TMEM132D: variants seen among roughly 807,000 people sequenced by gnomAD.
TMEM132D encodes transmembrane protein 132D, also known as mature OL transmembrane protein.
In TMEM132D, 21 loss-of-function variants were observed where a neutral mutation model predicts 62.3. The observed-to-expected ratio is 0.34, with a 90% CI of 0.24 to 0.49. The LOEUF (loss-of-function observed/expected upper bound fraction) is 0.49. TMEM132D is among the 20% of genes least tolerant of loss of function. The pLI is 0.99. For missense variants in TMEM132D, 1,346 were observed against 1,402.8 expected (o/e 0.96, Z 0.65); for synonymous variants, 621 against 575.6 (o/e 1.08, Z -1.13).
At chr12:129,270,998 C>T (rs1170521588) in intron 4 of TMEM132D, among the ~76,000 whole-genome samples, 1 of 152,218 alleles carries the variant, frequency 6.6e-6, no homozygotes, top group Non-Finnish European at 1.5e-5. Context: ...CCTGTGACGG[C>T]TGCCTCAAAG....
chr12:129,461,512 T>C (rs1226375722), intron 3 of TMEM132D, among the ~76,000 whole-genome samples: 2 of 152,034 alleles, frequency 1.3e-5, no homozygotes, highest in Non-Finnish European at 2.9e-5. Flanking sequence ...ACAAGACAGA[T>C]TATTTTTCCT....
At chr12:129,653,241 G>A (rs968297796) in intron 2 of TMEM132D, among the ~76,000 whole-genome samples, 3 of 152,236 alleles carry the variant, frequency 2.0e-5, no homozygotes, top group African/African-American at 7.2e-5. Flanking sequence ...GAGGAGAACG[G>A]CTCAAATGAA....
At chr12:129,079,476 G>A (rs1437849250) in intron 7 of TMEM132D, among the ~76,000 whole-genome samples, 5 of 152,148 alleles carry the variant, frequency 3.3e-5, no homozygotes, top group African/African-American at 4.8e-5. Context: ...TTTGAGGAAC[G>A]TCTGTGGAAT....
intron 4 of TMEM132D, among the ~76,000 whole-genome samples, chr12:129,321,717 C>G (rs552425993): frequency 1.3e-5 from 2 of 152,058 alleles, no homozygotes; most frequent in South Asian, 4.1e-4. Flanking sequence ...CGCCACCACG[C>G]CCAGCTAATT....
chr12:129,562,760 G>A (rs1719423785), intron 2 of TMEM132D, among the ~76,000 whole-genome samples: 1 of 152,112 alleles, frequency 6.6e-6, no homozygotes, highest in African/African-American at 2.4e-5. Flanking sequence ...ATGTTAAAGG[G>A]CCCTTGCTCA....
chr12:129,079,872 C>A (rs1180043149), intron 7 of TMEM132D, among the ~76,000 whole-genome samples: 1 of 152,170 alleles, frequency 6.6e-6, no homozygotes, highest in Non-Finnish European at 1.5e-5. Context: ...GGAGTAGAGG[C>A]CTCACCAAAA....
intron 5 of TMEM132D, among the ~76,000 whole-genome samples, chr12:129,197,334 T>C (rs1348486093): frequency 6.6e-6 from 1 of 152,122 alleles, no homozygotes. Flanking sequence ...AGATGAGCGA[T>C]AGAGCAAGAT....
chr12:129,636,737 T>TGTGTGTGTGTGAGAGA (rs375868329), intron 2 of TMEM132D, among the ~76,000 whole-genome samples: 13,265 of 112,558 alleles, frequency 0.12, 1,057 homozygotes, highest in Middle Eastern at 0.17. Context: ...TGTGTGTGTG[T>TGTGTGTGTGTGAGAGA]GAGAGAGAGA....
chr12:129,215,228 C>A lies in TMEM132D; in HGVS notation c.1300-5565G>T, dbSNP rs112546291. Reference sequence around the variant, plus strand: ...ACAGAAACAGAAAACAACATACCACCTGTTCTCGCTTATACCACATGTTCT... The same window carrying A: ...ACAGAAACAGAAAACAACATACCACATGTTCTCGCTTATACCACATGTTCT... On this transcript the variant is annotated intron_variant, in intron 4 of 8. Coordinates refer to ENST00000422113, the MANE Select transcript of TMEM132D (RefSeq NM_133448.3). Among the ~76,000 whole-genome samples, 1,469 of 152,258 alleles carry A rather than the reference C, an allele frequency of 9.6e-3. 24 individuals carry two copies. Among genetic ancestry groups the A allele is most frequent in the South Asian group, 0.03 (147 of 4,832 alleles).
chr12:129,507,520 C>G (rs1875371536), intron 3 of TMEM132D, among the ~76,000 whole-genome samples: 1 of 152,002 alleles, frequency 6.6e-6, no homozygotes, highest in African/African-American at 2.4e-5. Context: ...TAATGAAATA[C>G]TCAGCCATAA....
intron 4 of TMEM132D, among the ~76,000 whole-genome samples, chr12:129,219,030 G>C (rs1879284814): frequency 6.6e-6 from 1 of 152,120 alleles, no homozygotes; most frequent in South Asian, 2.1e-4. Context: ...CTTGGGAATG[G>C]GCTCCCATGA....
intron 3 of TMEM132D, among the ~76,000 whole-genome samples, chr12:129,463,681 G>A (rs1566077662): frequency 1.3e-5 from 2 of 150,616 alleles, no homozygotes; most frequent in African/African-American, 4.9e-5. Flanking sequence ...GTGTCCATGT[G>A]TTCTCATTGT....
At chr12:129,080,731 C>T (rs575428243) in intron 7 of TMEM132D, among the ~76,000 whole-genome samples, 7 of 152,296 alleles carry the variant, frequency 4.6e-5, no homozygotes, top group African/African-American at 9.6e-5. Flanking sequence ...AAGGCAGACA[C>T]GCAATATGTC....
rs143808230 is a variant in TMEM132D at position 129,678,368 on chromosome 12, A to T, written c.968+21442T>A. On this transcript the variant is annotated intron_variant, in intron 2 of 8. Coordinates refer to ENST00000422113, the MANE Select transcript of TMEM132D (RefSeq NM_133448.3). The stretch of plus-strand genomic sequence containing the variant: ...ATGGTAATTATAACATTGAAGCATT[A>T]TGGTTTCAATTTGTATTTACCTGAT... Among the ~76,000 whole-genome samples the T allele has an allele frequency of 5.9e-5, 9 of 152,270 alleles. No individual in the cohort carries two copies. The East Asian group carries it at 1.4e-3, about 23-fold the overall frequency.
At chr12:129,225,844 C>T (rs187574645) in intron 4 of TMEM132D, among the ~76,000 whole-genome samples, 128 of 152,274 alleles carry the variant, frequency 8.4e-4, no homozygotes, top group Admixed American at 6.0e-3. Context: ...AGGCAGGAAC[C>T]TGCTGTTTAC....
At chr12:129,161,981 C>T (rs1403411304) in intron 5 of TMEM132D, among the ~76,000 whole-genome samples, 1 of 152,078 alleles carries the variant, frequency 6.6e-6, no homozygotes, top group Non-Finnish European at 1.5e-5. Flanking sequence ...AGCACAAAGC[C>T]CTGACAATTT....
chr12:129,075,992 A>G (rs1593251435), intron 8 of TMEM132D, among the ~76,000 whole-genome samples: 2 of 145,760 alleles, frequency 1.4e-5, no homozygotes, highest in African/African-American at 5.0e-5. Flanking sequence ...TAGGTGGCCC[A>G]TGACCCTGCC....
intron 4 of TMEM132D, among the ~76,000 whole-genome samples, chr12:129,234,128 A>G (rs1213300694): frequency 6.6e-6 from 1 of 152,226 alleles, no homozygotes; most frequent in Non-Finnish European, 1.5e-5. Flanking sequence ...AGAAAACTTC[A>G]TAAAAGTGAT....
chr12:129,214,979 A>C (rs1879162185), intron 4 of TMEM132D, among the ~76,000 whole-genome samples: 1 of 152,212 alleles, frequency 6.6e-6, no homozygotes, highest in South Asian at 2.1e-4. Flanking sequence ...AAAGGAATAT[A>C]AATCATTCTA....
Sources: allele counts gnomAD v4.1 joint callset (sites outside exome capture counted in the v4.1 genomes callset), GRCh38; gene constraint gnomAD v4.1.1; transcripts MANE v1.5; gene names NCBI Gene and HGNC (gene_info 2026-07-23, HGNC 2026-07-21).